The following TRIM26 variants were observed in gnomAD, a reference collection of about 807,000 sequenced individuals.
TRIM26 encodes tripartite motif-containing protein 26.
In TRIM26, 16 loss-of-function variants were observed where a neutral mutation model predicts 45.5. The observed-to-expected ratio is 0.35, with a 90% CI of 0.24 to 0.53. The LOEUF is 0.53. TRIM26 is among the 20% of genes least tolerant of loss of function. The pLI, the probability that TRIM26 is intolerant of heterozygous loss-of-function variation, is 0.92. For synonymous variants in TRIM26, 273 were observed against 290.4 expected, an observed-to-expected ratio of 0.94 and a Z score of 0.61; for missense variants, 442 against 691.1, an observed-to-expected ratio of 0.64 and a Z score of 4.04.
At chr6:30,193,087 CATATATATGTATCTATAT>C (rs1776033947) in intron 6 of TRIM26, among the ~76,000 whole-genome samples, 3 of 108,308 alleles carry the variant, frequency 2.8e-5, no homozygotes, top group African/African-American at 1.1e-4. Context: ...TGTATATATA[CATATATATGTATCTATAT>C]ACATATATAT....
intron 2 of TRIM26, among the ~76,000 whole-genome samples, chr6:30,202,088 T>C (rs1418003474): frequency 6.6e-6 from 1 of 152,116 alleles, no homozygotes; most frequent in Admixed American, 6.5e-5. Context: ...ATAGCCTGTG[T>C]TATCTTTGGG....
rs1322089099 is a variant in TRIM26, at chr6:30,198,040, C to T, written c.534+389G>A. ...TTACCCTGGAGCCAGCTCCCTCCTT[C>T]TAAACCCTCTCCACTCTCAGGCAAC... On this transcript the variant is annotated intron_variant, in intron 5 of 9. Transcript: ENST00000454678. The surrounding 1 kb of genome is among the most constrained non-coding windows in gnomAD (Gnocchi z 6.3). Among the ~76,000 whole-genome samples, 1 of 152,206 alleles carries T rather than the reference C, an allele frequency of 6.6e-6. No individual in the cohort carries two copies. Among genetic ancestry groups the T allele is most frequent in the Non-Finnish European group, 1.5e-5 (1 of 68,040 alleles).
At position 30,190,704 on chromosome 6, in the gene TRIM26, C is replaced by T. The variant is rs919169830; in HGVS notation, c.766-669G>A. Among the ~76,000 whole-genome samples the T allele has an allele frequency of 5.9e-5, 9 of 152,140 alleles. 1 individual carries two copies. Among genetic ancestry groups the T allele is most frequent in the Admixed American group, 3.9e-4 (6 of 15,270 alleles). On this transcript the variant is annotated intron_variant, in intron 6 of 9. Coordinates refer to ENST00000454678, the MANE Select transcript of TRIM26 (RefSeq NM_003449.5). The surrounding 1 kb of genome is among the most constrained non-coding windows in gnomAD (Gnocchi z 4.3). ...ATTGTCCTTTAAAAAAAGAAAATTG[C>T]TTTCTACTTCCTTTTTACCCCAACT...
At chr6:30,188,374 T>C in intron 9 of TRIM26, 1 of 424,334 alleles carries the variant, frequency 2.4e-6, no homozygotes, top group Admixed American at 3.5e-5. Context: ...CTCTGTAAGA[T>C]GGTTCAAGAA....
At chr6:30,188,480 T>C in intron 9 of TRIM26, 1 of 273,738 alleles carries the variant, frequency 3.7e-6, no homozygotes, top group Non-Finnish European at 7.4e-6. Context: ...AATTTGACGG[T>C]ATTCACAGAC....
At chr6:30,187,917 C>CAA (rs34936729) in intron 9 of TRIM26, among the ~76,000 whole-genome samples, 10 of 43,570 alleles carry the variant, frequency 2.3e-4, no homozygotes, top group Non-Finnish European at 2.7e-4. Flanking sequence ...GACTCCATCT[C>CAA]AAAAAAAAAA....
intron 1 of TRIM26, among the ~76,000 whole-genome samples, chr6:30,211,369 A>T (rs1778269880): frequency 6.6e-6 from 1 of 152,218 alleles, no homozygotes; most frequent in African/African-American, 2.4e-5. Flanking sequence ...TGTCTTCTCA[A>T]ACCAATTTCC....
intron 3 of TRIM26, among the ~76,000 whole-genome samples, 156 bp from the exon 4 acceptor site, chr6:30,199,420 TC>T (rs1170979863): frequency 6.6e-6 from 1 of 152,176 alleles, no homozygotes; most frequent in Non-Finnish European, 1.5e-5. Flanking sequence ...TGGGAGAGCC[TC>T]AACACCCTTT....
intron 9 of TRIM26, chr6:30,188,528 G>T (rs143614625): frequency 5.0e-4 from 126 of 254,510 alleles, no homozygotes; most frequent in African/African-American, 2.6e-3. Flanking sequence ...ACCACCTAAG[G>T]TTTAACCACT....
chr6:30,193,098 ATC>A (rs1776039578), intron 6 of TRIM26, among the ~76,000 whole-genome samples: 2 of 126,694 alleles, frequency 1.6e-5, no homozygotes, highest in Non-Finnish European at 3.2e-5. Context: ...ATATATATGT[ATC>A]TATATACATA....
In TRIM26 at chr6:30,185,801, T is replaced by TC. The variant is rs982032373; in HGVS notation, c.*74dup. On this transcript the variant is annotated 3_prime_UTR_variant, in exon 10 of 10. Coordinates refer to ENST00000454678, the MANE Select transcript of TRIM26 (RefSeq NM_003449.5). This position sits in a 1 kb window ranked among gnomAD's most constrained non-coding sequence, Gnocchi z 5.7. The stretch of plus-strand genomic sequence containing the variant: ...CCAGGTGCTTAGGCCAGGCATCCCG[T>TC]CCCCCCATTGAGAGTCCTGGAATTC... 22 of 1,505,200 alleles carry TC rather than the reference T, an allele frequency of 1.5e-5. No individual in the cohort carries two copies. In the African/African-American group the frequency reaches 2.9e-4, roughly 20 times the overall value. The allele number at this position is 1,505,200 out of a possible 1,614,324, so 93.2% of individuals were successfully genotyped here. A position where few individuals can be genotyped will look rare whatever the true frequency, so the allele number is the denominator to read the frequency against.
rs746760430 is a variant in TRIM26 at position 30,186,607 on chromosome 6, GTTT to G, written c.938-52_938-50del. On this transcript the variant is annotated intron_variant, in intron 9 of 9. Transcript: ENST00000454678. This position sits in a 1 kb window ranked among gnomAD's most constrained non-coding sequence, Gnocchi z 7.4. ...AAAAACAGCATCACTGTTTTGTTTT[GTTT>G]TTTAAGTCAGAGGGAATAAAATTTA... 1 of 1,482,648 alleles carries G rather than the reference GTTT, an allele frequency of 6.7e-7. No individual in the cohort carries two copies. Among genetic ancestry groups the G allele is most frequent in the East Asian group, 2.3e-5 (1 of 42,570 alleles). 91.8% of individuals were successfully genotyped at this position (1,482,648 alleles called of 1,614,324 possible).
Position 30,198,708 on chromosome 6 carries a change from G to C in TRIM26, c.396C>G (p.Pro132=). ...CCTTCTCCATGAGGACGGCCGTGTG[G>C]GGCCTGTGCTCCCGGGACTCCCGGC... ...VMCRESREHR[P]HTAVLMEKAA... The change falls in exon 4 of 10, where the codon CCC becomes CCG. Residue 132 remains proline, a synonymous_variant. Coordinates refer to ENST00000454678, the MANE Select transcript of TRIM26 (RefSeq NM_003449.5). The surrounding 1 kb of genome is among the most constrained non-coding windows in gnomAD (Gnocchi z 6.3). 6.2e-7 allele frequency: 1 copy of C among 1,605,122 alleles called. No homozygotes were observed. The highest frequency in any genetic ancestry group is 8.5e-7 in the Non-Finnish European group (1 of 1,179,792).
chr6:30,189,038 A>G lies in TRIM26; in HGVS notation c.937+129T>C. ...AGTGCAAAGAGGGAGGGGGGCTTCT[A>G]TTGTGCAGCTGGGAAATTCTTCCTG... On this transcript the variant is annotated intron_variant, in intron 9 of 9. Coordinates refer to ENST00000454678, the MANE Select transcript of TRIM26 (RefSeq NM_003449.5). This position sits in a 1 kb window ranked among gnomAD's most constrained non-coding sequence, Gnocchi z 5.0. 2 of 1,010,042 alleles carry G rather than the reference A, an allele frequency of 2.0e-6. No individual in the cohort carries two copies. 62.6% of individuals were successfully genotyped at this position (1,010,042 alleles called of 1,614,324 possible). A position where few individuals can be genotyped will look rare whatever the true frequency, so the allele number is the denominator to read the frequency against.
chr6:30,204,122 T>C (rs771979742), intron 2 of TRIM26, among the ~76,000 whole-genome samples: 1 of 152,198 alleles, frequency 6.6e-6, no homozygotes, highest in Non-Finnish European at 1.5e-5. Context: ...TGAAACACAG[T>C]ACCACTTCTA....
At chr6:30,191,211 C>G (rs1775796396) in intron 6 of TRIM26, among the ~76,000 whole-genome samples, 1 of 152,094 alleles carries the variant, frequency 6.6e-6, no homozygotes, top group Non-Finnish European at 1.5e-5. Flanking sequence ...GGTGCTATCT[C>G]TGTGACAGAC....
Position 30,186,573 on chromosome 6 carries a change from G to GAA in TRIM26, c.938-17_938-16dup, listed in dbSNP as rs28381562. On this transcript the variant is annotated splice_polypyrimidine_tract_variant and intron_variant, in intron 9 of 9. Transcript: ENST00000454678. This position sits in a 1 kb window ranked among gnomAD's most constrained non-coding sequence, Gnocchi z 7.4. Reference sequence around the variant, plus strand: ...GGTGACGCTCACTGTGGGGACAAGGGAAAAAAAAAAAAACAGCATCACTGT... The same window carrying GAA: ...GGTGACGCTCACTGTGGGGACAAGGGAAAAAAAAAAAAAAACAGCATCACTGT... The GAA allele has an allele frequency of 0.26, 346,921 of 1,316,544 alleles. 9,038 individuals carry two copies. Among genetic ancestry groups the GAA allele is most frequent in the African/African-American group, 0.31 (19,782 of 64,592 alleles). The allele number at this position is 1,316,544 out of a possible 1,614,324, so 81.6% of individuals were successfully genotyped here.
chr6:30,191,013 G>C (rs1775771474), intron 6 of TRIM26, among the ~76,000 whole-genome samples: 1 of 152,150 alleles, frequency 6.6e-6, no homozygotes, highest in Admixed American at 6.5e-5. Flanking sequence ...AGGAACATGG[G>C]GAGGTTGGTC....
intron 2 of TRIM26, among the ~76,000 whole-genome samples, chr6:30,203,598 G>C (rs1777422600): frequency 6.6e-6 from 1 of 151,806 alleles, no homozygotes; most frequent in Admixed American, 6.6e-5. Flanking sequence ...TGTAGTTTTA[G>C]TAGAGACGGG....
Sources: allele counts gnomAD v4.1 joint callset (sites outside exome capture counted in the v4.1 genomes callset), GRCh38; gene constraint gnomAD v4.1.1; non-coding constraint Gnocchi (gnomAD v3.1); transcripts MANE v1.5; gene names NCBI Gene and HGNC (gene_info 2026-07-23, HGNC 2026-07-21).